ANKRD7: variants seen among roughly 807,000 people sequenced by gnomAD.
ANKRD7 encodes ankyrin repeat domain-containing protein 7.
A neutral mutation model predicts 30.8 loss-of-function variants in ANKRD7; 30 were observed. That is an observed-to-expected ratio of 0.97 (90% CI 0.73 to 1.32). ANKRD7 has a LOEUF of 1.32. Ranked by LOEUF, ANKRD7 falls within the 40% of genes most tolerant of loss-of-function variation. ANKRD7 has a pLI of 0.00. For missense variants in ANKRD7, 264 were observed against 295.7 expected, an observed-to-expected ratio of 0.89 and a Z score of 0.79; for synonymous variants, 97 against 106.6, an observed-to-expected ratio of 0.91 and a Z score of 0.55.
chr7:118,224,828 G>GCCAT lies in ANKRD7; in HGVS notation c.-2_2dup. 6.2e-7 allele frequency: 1 copy of GCCAT among 1,611,172 alleles called. No homozygotes were observed. Among genetic ancestry groups the GCCAT allele is most frequent in the Non-Finnish European group, 8.5e-7 (1 of 1,179,096 alleles). On this transcript the variant is annotated 5_prime_UTR_variant, in exon 1 of 7. Coordinates refer to ENST00000265224, the MANE Select transcript of ANKRD7 (RefSeq NM_019644.4). ...TGAGGGAAAGGCTGCAGCCTGCACC[G>GCCAT]CCATGAATAAGCTTTTCAGCTTCTG...
In ANKRD7 at chr7:118,234,539, G is replaced by A. The variant is rs749758203; in HGVS notation, c.288G>A (p.Leu96=). ...NVRDSENKSP[L]IKAVQCQNED... ...GGGATAGTGAAAACAAATCCCCATT[G>A]ATTAAGGTATGCCATAGTTTTTCTT... is the stretch of plus-strand genomic sequence containing the variant. The change falls in exon 2 of 7, where the codon TTG becomes TTA. Residue 96 remains leucine (L), a synonymous_variant. Transcript: ENST00000265224. 1 of 1,606,170 alleles carries A rather than the reference G, an allele frequency of 6.2e-7. No individual in the cohort carries two copies. Among genetic ancestry groups the A allele is most frequent in the African/African-American group, 1.3e-5 (1 of 74,562 alleles).
chr7:118,239,961 G>T lies in ANKRD7; in HGVS notation c.765G>T (p.Ter255TyrextTer9). 1 of 1,592,028 alleles carries T rather than the reference G, an allele frequency of 6.3e-7. No individual in the cohort carries two copies. The highest frequency in any genetic ancestry group is 1.1e-5 in the South Asian group (1 of 87,362). Reference protein sequence around the residue: ...ASHGKKKHAK* With the variant: ...ASHGKKKHAKY Reference sequence around the variant, plus strand: ...ATGGAAAGAAGAAACATGCTAAATAGACACCTTATTCTTGGCACTACATGT... The same window carrying T: ...ATGGAAAGAAGAAACATGCTAAATATACACCTTATTCTTGGCACTACATGT... Residue 255 changes from the stop codon to tyrosine, a stop_lost, in exon 6 of 7, where the codon TAG becomes TAT. Coordinates refer to ENST00000265224, the MANE Select transcript of ANKRD7 (RefSeq NM_019644.4).
At chr7:118,238,676 T>C (rs1465254098) in intron 5 of ANKRD7, among the ~76,000 whole-genome samples, 2 of 152,250 alleles carry the variant, frequency 1.3e-5, no homozygotes, top group East Asian at 3.8e-4. Context: ...TAAGTATTTA[T>C]TTTATGGTTA....
At position 118,242,416 on chromosome 7, in the gene ANKRD7, C is replaced by T. The variant is rs764368048; in HGVS notation, c.*105C>T. 1 of 151,746 alleles carries T rather than the reference C, an allele frequency of 6.6e-6. No individual in the cohort carries two copies. Among genetic ancestry groups the T allele is most frequent in the African/African-American group, 2.4e-5 (1 of 41,350 alleles). The allele number at this position is 151,746 out of a possible 1,614,324, so 9.4% of individuals were successfully genotyped here. On this transcript the variant is annotated 3_prime_UTR_variant, in exon 7 of 7. Transcript: ENST00000265224. ...TTGGAAAAATGTACTTTGAAAGAACCGTTAAGTGAACTATTATAATATTTT... is the reference window on the plus strand; with the variant it reads ...TTGGAAAAATGTACTTTGAAAGAACTGTTAAGTGAACTATTATAATATTTT...
intron 3 of ANKRD7, 102 bp from the exon 4 acceptor site, chr7:118,235,938 AT>A (rs1284533553): frequency 2.3e-5 from 13 of 576,226 alleles, no homozygotes; most frequent in Non-Finnish European, 4.0e-5. Context: ...GTTAAAGTGT[AT>A]ATTCAGAAGT....
At chr7:118,230,998 G>A (rs948405063) in intron 1 of ANKRD7, among the ~76,000 whole-genome samples, 4 of 151,950 alleles carry the variant, frequency 2.6e-5, no homozygotes, top group African/African-American at 7.2e-5. Flanking sequence ...AGAAAAAAAG[G>A]GACAGAGGAA....
At position 118,234,515 on chromosome 7, in the gene ANKRD7, G is replaced by A. The variant is rs188247571; in HGVS notation, c.264G>A (p.Arg88=). Residue 88 remains arginine (R), a synonymous_variant, in exon 2 of 7, where the codon CGG becomes CGA. Coordinates refer to ENST00000265224, the MANE Select transcript of ANKRD7 (RefSeq NM_019644.4). ...AGCAACAATGCAAAATAAATGTCCG[G>A]GATAGTGAAAACAAATCCCCATTGA... ...LIEQQCKINV[R]DSENKSPLIK... The A allele has an allele frequency of 1.6e-4, 258 of 1,612,430 alleles. No homozygotes were observed. Among genetic ancestry groups the A allele is most frequent in the Non-Finnish European group, 2.1e-4 (248 of 1,179,382 alleles).
chr7:118,229,982 C>T (rs915637510), intron 1 of ANKRD7, among the ~76,000 whole-genome samples: 1 of 152,022 alleles, frequency 6.6e-6, no homozygotes, highest in Non-Finnish European at 1.5e-5. Context: ...TCCAACATCC[C>T]TTCATGATAA....
intron 6 of ANKRD7, among the ~76,000 whole-genome samples, chr7:118,241,445 G>A (rs910562039): frequency 8.1e-5 from 12 of 147,312 alleles, no homozygotes; most frequent in African/African-American, 2.5e-4. Flanking sequence ...CAAATCTATA[G>A]TGATAATGCT....
chr7:118,234,941 T>C, intron 3 of ANKRD7, 67 bp downstream of exon 3: 1 of 1,313,980 alleles, frequency 7.6e-7, no homozygotes. Context: ...TTTCAGATAA[T>C]TCATCTATGT....
rs552072337 is a variant in ANKRD7 at position 118,230,360 on chromosome 7, T to A, written c.180-4071T>A. ...GATGCTATGTTCACTATTTGGGTAA[T>A]GAGTTCAGCAGAAGCACAGCATTAT... On this transcript the variant is annotated intron_variant, in intron 1 of 6. Transcript: ENST00000265224. Among the ~76,000 whole-genome samples, 88 of 151,894 alleles carry A rather than the reference T, an allele frequency of 5.8e-4. 1 individual carries two copies. Among genetic ancestry groups the A allele is most frequent in the African/African-American group, 2.1e-3 (86 of 41,466 alleles).
intron 1 of ANKRD7, among the ~76,000 whole-genome samples, chr7:118,234,030 A>G (rs892110985): frequency 6.6e-6 from 1 of 152,180 alleles, no homozygotes; most frequent in East Asian, 1.9e-4. Flanking sequence ...ACAATTAGGT[A>G]CAGCATGTCA....
intron 1 of ANKRD7, among the ~76,000 whole-genome samples, chr7:118,227,751 A>G (rs891622792): frequency 1.3e-5 from 2 of 152,194 alleles, no homozygotes; most frequent in African/African-American, 2.4e-5. Flanking sequence ...GGCATTAGTA[A>G]CAGTAAATAT....
In ANKRD7 at chr7:118,242,617, G is replaced by A. The variant is rs112672761; in HGVS notation, c.*306G>A. Reference sequence around the variant, plus strand: ...AAAAATTTGTGTCAAAATGTTGAATGGAATAATAATGAGGAAACTGTGTTA... The same window carrying A: ...AAAAATTTGTGTCAAAATGTTGAATAGAATAATAATGAGGAAACTGTGTTA... On this transcript the variant is annotated 3_prime_UTR_variant, in exon 7 of 7. Transcript: ENST00000265224. The A allele has an allele frequency of 2.6e-5, 4 of 151,728 alleles. No individual in the cohort carries two copies. The highest frequency in any genetic ancestry group is 9.7e-5 in the African/African-American group (4 of 41,418). 9.4% of individuals were successfully genotyped at this position (151,728 alleles called of 1,614,324 possible). A position where few individuals can be genotyped will look rare whatever the true frequency, so the allele number is the denominator to read the frequency against.
At chr7:118,239,528 T>C (rs954344993) in intron 5 of ANKRD7, among the ~76,000 whole-genome samples, 2 of 152,184 alleles carry the variant, frequency 1.3e-5, no homozygotes, top group South Asian at 4.1e-4. Context: ...CCTACCCCAC[T>C]GGCACCTCAA....
chr7:118,229,981 C>A (rs574481781), intron 1 of ANKRD7, among the ~76,000 whole-genome samples: 1 of 151,920 alleles, frequency 6.6e-6, no homozygotes, highest in Non-Finnish European at 1.5e-5. Flanking sequence ...ATCCAACATC[C>A]CTTCATGATA....
At position 118,236,811 on chromosome 7, in the gene ANKRD7, C is replaced by T. The variant is rs570626299; in HGVS notation, c.597C>T (p.Val199=). The T allele has an allele frequency of 6.2e-6, 10 of 1,613,824 alleles. No individual in the cohort carries two copies. Among genetic ancestry groups the T allele is most frequent in the Non-Finnish European group, 7.6e-6 (9 of 1,179,814 alleles). ...NYQRTALILA[V]SGEPPCLVKL... is the part of the protein sequence containing the mutation. ...CCAGAACAGCCCTTATTCTTGCTGT[C>T]AGTGGTGAACCACCATGTTTAGTAA... is the stretch of plus-strand genomic sequence containing the variant. The change falls in exon 5 of 7, where the codon GTC becomes GTT. Residue 199 remains valine (V), a synonymous_variant. Coordinates refer to ENST00000265224, the MANE Select transcript of ANKRD7 (RefSeq NM_019644.4).
At chr7:118,235,003 A>G (rs1437114154) in intron 3 of ANKRD7, 129 bp downstream of exon 3, 6 of 715,862 alleles carry the variant, frequency 8.4e-6, no homozygotes, top group Non-Finnish European at 8.5e-6. Flanking sequence ...ATTGGGGAGA[A>G]AGAGAAGAGA....
In ANKRD7 at chr7:118,224,944, G is replaced by A; in HGVS notation, c.114G>A (p.Leu38=). The A allele has an allele frequency of 6.2e-7, 1 of 1,614,162 alleles. No homozygotes were observed. Among genetic ancestry groups the A allele is most frequent in the African/African-American group, 1.3e-5 (1 of 75,024 alleles). Residue 38 remains leucine, a synonymous_variant, in exon 1 of 7, where the codon TTG becomes TTA. Transcript: ENST00000265224. ...KLHRAASVGD[L]KKLKEYLQIK... is the part of the protein sequence containing the mutation. ...ACAGAGCTGCTTCAGTCGGGGATTT[G>A]AAGAAGCTGAAGGAATACCTTCAGA...
Sources: gnomAD v4.1 joint callset for allele counts (sites outside exome capture counted in the v4.1 genomes callset) on GRCh38, gnomAD v4.1.1 for gene constraint, MANE v1.5 for transcripts, NCBI Gene and HGNC (gene_info 2026-07-23, HGNC 2026-07-21) for gene names.